The following HSF2BP variants were observed in gnomAD, a reference collection of about 807,000 sequenced individuals.
The protein encoded by HSF2BP is heat shock transcription factor 2 binding protein, also known as heat shock factor 2-binding protein.
In HSF2BP, 35 loss-of-function variants were observed where a neutral mutation model predicts 35.0. The ratio of observed to expected loss-of-function variants is 1.00; its 90% confidence interval spans 0.76 to 1.32. The LOEUF (loss-of-function observed/expected upper bound fraction) is 1.32. HSF2BP is among the 40% of genes most tolerant of loss of function. HSF2BP has a pLI of 0.00. For synonymous variants in HSF2BP, 114 were observed against 117.4 expected (o/e 0.97, Z 0.18); for missense variants, 326 against 321.7 (o/e 1.01, Z -0.10).
chr21:43,578,734 G>A (rs2838322), intron 8 of HSF2BP, among the ~76,000 whole-genome samples: 1 of 152,020 alleles, frequency 6.6e-6, no homozygotes, highest in East Asian at 1.9e-4. Flanking sequence ...GTAAGCAGAG[G>A]TCTCCTACAC....
intron 7 of HSF2BP, among the ~76,000 whole-genome samples, chr21:43,604,459 ACAC>A (rs1334736824): frequency 2.2e-5 from 3 of 133,840 alleles, no homozygotes; most frequent in Non-Finnish European, 3.2e-5. Flanking sequence ...CACACCACAC[ACAC>A]AACACACAGC....
chr21:43,646,107 C>G (rs984803668), intron 3 of HSF2BP, among the ~76,000 whole-genome samples: 1 of 148,238 alleles, frequency 6.7e-6, no homozygotes, highest in African/African-American at 2.5e-5. Context: ...CACTTGAGGC[C>G]AGGAGTTCGA....
At chr21:43,638,385 G>A (rs995315204) in intron 4 of HSF2BP, among the ~76,000 whole-genome samples, 10 of 152,154 alleles carry the variant, frequency 6.6e-5, no homozygotes, top group Admixed American at 5.9e-4. Flanking sequence ...CTGAACCTGA[G>A]AGGCAGAGGT....
chr21:43,467,885 A>G, the HSF2BP span, among the ~76,000 whole-genome samples: 1 of 117,672 alleles, frequency 8.5e-6, no homozygotes, highest in African/African-American at 3.3e-5. Context: ...CACACCACAC[A>G]CACCACACAC....
At position 43,579,423 on chromosome 21, in the gene HSF2BP, C is replaced by T. The variant is rs1398973881; in HGVS notation, c.796+12802G>A. 3.3e-5 allele frequency among the ~76,000 whole-genome samples: 5 copies of T among 152,092 alleles called. No individual in the cohort carries two copies. In the East Asian group the frequency reaches 7.7e-4, roughly 23 times the overall value. On this transcript the variant is annotated intron_variant, in intron 8 of 8. Coordinates refer to ENST00000291560, the MANE Select transcript of HSF2BP (RefSeq NM_007031.2). ...CCTACTTTGATGCCACAGATGCCAC[C>T]GTCTAAAGATGAACTGCAGGGGACG...
chr21:43,656,528 G>T, intron 3 of HSF2BP, 59 bp downstream of exon 3: 1 of 1,506,566 alleles, frequency 6.6e-7, no homozygotes, highest in Non-Finnish European at 9.1e-7. Context: ...TTTACCTAGG[G>T]TAAATCTGCT....
At chr21:43,645,281 G>T (rs1006536278) in intron 3 of HSF2BP, among the ~76,000 whole-genome samples, 2 of 152,074 alleles carry the variant, frequency 1.3e-5, no homozygotes, top group Non-Finnish European at 2.9e-5. Context: ...ATACAGAGTC[G>T]GCTGGGTTCC....
chr21:43,575,055 C>CGCAGCTCCTGCTGTGCTTTTCAG (rs1568878191), intron 8 of HSF2BP, among the ~76,000 whole-genome samples: 1 of 152,222 alleles, frequency 6.6e-6, no homozygotes, highest in Non-Finnish European at 1.5e-5. Flanking sequence ...CTGCTGCTCA[C>CGCAGCTCCTGCTGTGCTTTTCAG]GCAGCTCCTG....
At chr21:43,595,591 G>A (rs972425243) in intron 7 of HSF2BP, among the ~76,000 whole-genome samples, 2 of 151,976 alleles carry the variant, frequency 1.3e-5, no homozygotes, top group South Asian at 2.1e-4. Flanking sequence ...CCAGGAGGTC[G>A]AGGCTGCAAT....
the HSF2BP span, among the ~76,000 whole-genome samples, chr21:43,496,053 C>G: frequency 7.5e-6 from 1 of 134,210 alleles, no homozygotes; most frequent in Non-Finnish European, 1.7e-5. Context: ...GCACACAGCA[C>G]TCCCCTGCCA....
the HSF2BP span, among the ~76,000 whole-genome samples, chr21:43,501,181 A>G: frequency 9.5e-6 from 1 of 104,990 alleles, no homozygotes; most frequent in Non-Finnish European, 1.9e-5. Context: ...TTCGCTTTCC[A>G]TGGTTCAGTG....
At chr21:43,609,480 C>A (rs2082176346) in intron 7 of HSF2BP, among the ~76,000 whole-genome samples, 1 of 150,408 alleles carries the variant, frequency 6.6e-6, no homozygotes, top group Admixed American at 6.6e-5. Flanking sequence ...AAAAAAATAA[C>A]CCCTATCTCT....
intron 3 of HSF2BP, among the ~76,000 whole-genome samples, chr21:43,654,149 T>C (rs1291073333): frequency 6.6e-6 from 1 of 152,224 alleles, no homozygotes; most frequent in Non-Finnish European, 1.5e-5. Flanking sequence ...AACTGTAAAG[T>C]GTCATAATGA....
At chr21:43,613,984 A>T (rs763344491) in intron 6 of HSF2BP, 37 bp from the exon 7 acceptor site, 1 of 1,427,480 alleles carries the variant, frequency 7.0e-7, no homozygotes, top group Non-Finnish European at 9.9e-7. Context: ...CAAGATCATT[A>T]TGACTCAGAA....
chr21:43,577,731 A>C, intron 8 of HSF2BP, among the ~76,000 whole-genome samples: 1 of 152,188 alleles, frequency 6.6e-6, no homozygotes, highest in East Asian at 1.9e-4. Context: ...GAAGCAACTG[A>C]AGATCCACAA....
chr21:43,602,698 T>A (rs1479273944), intron 7 of HSF2BP, among the ~76,000 whole-genome samples: 2 of 152,164 alleles, frequency 1.3e-5, no homozygotes, highest in Non-Finnish European at 2.9e-5. Context: ...TGCCAAATAT[T>A]CTCTGGCCCA....
chr21:43,653,558 T>A (rs1400311206), intron 3 of HSF2BP, among the ~76,000 whole-genome samples: 3 of 152,218 alleles, frequency 2.0e-5, no homozygotes, highest in African/African-American at 7.2e-5. Flanking sequence ...CTGTGCCCAA[T>A]AATATAAAGC....
rs112403507 is a variant in HSF2BP, at chr21:43,627,118, G to A, written c.574+3204C>T. ...CTTCCTGACTTCAAATGATCCACCC[G>A]CCTCAAGCCTCCCAAAATGCTGGGA... On this transcript the variant is annotated intron_variant, in intron 6 of 8. Coordinates refer to ENST00000291560, the MANE Select transcript of HSF2BP (RefSeq NM_007031.2). Among the ~76,000 whole-genome samples the A allele has an allele frequency of 5.1e-3, 779 of 152,136 alleles. 3 individuals carry two copies. The highest frequency in any genetic ancestry group is 0.018 in the African/African-American group (729 of 41,500).
At chr21:43,635,534 C>T (rs1184020393) in intron 4 of HSF2BP, among the ~76,000 whole-genome samples, 1 of 152,048 alleles carries the variant, frequency 6.6e-6, no homozygotes, top group East Asian at 1.9e-4. Context: ...AACAAAGGTG[C>T]CAATGCAATT....
Sources: gnomAD v4.1 joint callset for allele counts (sites outside exome capture counted in the v4.1 genomes callset) on GRCh38, gnomAD v4.1.1 for gene constraint, MANE v1.5 for transcripts, NCBI Gene and HGNC (gene_info 2026-07-23, HGNC 2026-07-21) for gene names.